Variants in RALGPS1 observed in about 807,000 individuals in gnomAD.
The protein encoded by RALGPS1 is Ral GEF with PH domain and SH3 binding motif 1.
In RALGPS1, 19 loss-of-function variants were observed where a neutral mutation model predicts 78.8. The observed-to-expected ratio is 0.24, with a 90% CI of 0.17 to 0.35. The LOEUF is 0.35. Ranked by LOEUF, RALGPS1 falls within the 10% of genes least tolerant of loss-of-function variation. The pLI, the probability that RALGPS1 is intolerant of heterozygous loss-of-function variation, is 1.00. For synonymous variants in RALGPS1, 228 were observed against 256.3 expected (o/e 0.89, Z 1.06); for missense variants, 454 against 688.3 (o/e 0.66, Z 3.81).
chr9:127,002,032 T>C (rs2133614133), intron 4 of RALGPS1, among the ~76,000 whole-genome samples: 1 of 152,308 alleles, frequency 6.6e-6, no homozygotes, highest in South Asian at 2.1e-4. Flanking sequence ...AGGCTATAAC[T>C]CAATGCATTT....
intron 5 of RALGPS1, among the ~76,000 whole-genome samples, chr9:127,049,518 G>C (rs1039526196): frequency 6.6e-6 from 1 of 152,040 alleles, no homozygotes; most frequent in African/African-American, 2.4e-5. Context: ...TTATGGGATG[G>C]GCCTCTCCCA....
At chr9:127,047,548 A>T (rs1338598196) in intron 5 of RALGPS1, among the ~76,000 whole-genome samples, 1 of 152,044 alleles carries the variant, frequency 6.6e-6, no homozygotes, top group African/African-American at 2.4e-5. Flanking sequence ...AAAATACAAA[A>T]ATTAGCCAGG....
intron 1 of RALGPS1, among the ~76,000 whole-genome samples, chr9:126,930,219 G>C (rs2035672090): frequency 6.7e-6 from 1 of 150,270 alleles, no homozygotes; most frequent in Admixed American, 6.6e-5. Flanking sequence ...TTATAATTAG[G>C]CTTGTGACAG....
chr9:127,112,589 A>C (rs2054949985), intron 8 of RALGPS1, among the ~76,000 whole-genome samples: 1 of 152,226 alleles, frequency 6.6e-6, no homozygotes. Context: ...ATGGGCTCTC[A>C]CAGCTCCCCG....
rs1411840653 is a variant in RALGPS1 at position 127,212,610 on chromosome 9, C to T, written c.1354-17C>T. 3 of 1,579,398 alleles carry T rather than the reference C, an allele frequency of 1.9e-6. No individual in the cohort carries two copies. Among genetic ancestry groups the T allele is most frequent in the African/African-American group, 2.7e-5 (2 of 73,782 alleles). On this transcript the variant is annotated splice_polypyrimidine_tract_variant and intron_variant, in intron 15 of 18. Coordinates refer to ENST00000259351, the MANE Select transcript of RALGPS1 (RefSeq NM_014636.3). The surrounding 1 kb of genome is among the most constrained non-coding windows in gnomAD (Gnocchi z 6.0). ...ACGACCCCTGGTGGCATCACTCAGC[C>T]TCCCCTTCCTCTGTAGCTGTCCTCG...
At chr9:127,188,088 G>A (rs2060775770) in intron 11 of RALGPS1, among the ~76,000 whole-genome samples, 1 of 125,286 alleles carries the variant, frequency 8.0e-6, no homozygotes, top group South Asian at 2.8e-4. Context: ...TTTAGACGGA[G>A]TCTCACTCTG....
At chr9:127,119,975 A>G (rs1367702498) in intron 8 of RALGPS1, among the ~76,000 whole-genome samples, 2 of 152,220 alleles carry the variant, frequency 1.3e-5, no homozygotes, top group Non-Finnish European at 2.9e-5. Flanking sequence ...CACCTTTTCA[A>G]AATGCTTCCA....
intron 1 of RALGPS1, among the ~76,000 whole-genome samples, chr9:126,936,157 A>G (rs2036238280): frequency 1.3e-5 from 2 of 152,254 alleles, no homozygotes; most frequent in Admixed American, 1.3e-4. Context: ...CTAAGGCAGC[A>G]GGAGGTCAAG....
chr9:127,195,005 C>T, intron 11 of RALGPS1, 86 bp from the exon 12 acceptor site: 2 of 1,525,796 alleles, frequency 1.3e-6, no homozygotes, highest in South Asian at 1.2e-5. Flanking sequence ...AAACCCGGGG[C>T]CCACCTCCAC....
At chr9:127,159,222 A>T (rs2058876530) in intron 8 of RALGPS1, among the ~76,000 whole-genome samples, 1 of 152,032 alleles carries the variant, frequency 6.6e-6, no homozygotes, top group Admixed American at 6.5e-5. Context: ...CATCCATTGC[A>T]CTCTGGGGGA....
At chr9:127,188,056 C>CTTTT (rs35971647) in intron 11 of RALGPS1, among the ~76,000 whole-genome samples, 13 of 81,692 alleles carry the variant, frequency 1.6e-4, no homozygotes, top group African/African-American at 2.9e-4. Context: ...GAATTAGAGC[C>CTTTT]TTTTTTTTTT....
At chr9:127,202,019 G>T (rs1421192598) in intron 14 of RALGPS1, among the ~76,000 whole-genome samples, 1 of 152,160 alleles carries the variant, frequency 6.6e-6, no homozygotes, top group Non-Finnish European at 1.5e-5. Flanking sequence ...TGGCCGTGGT[G>T]GGGGAGACAG....
chr9:127,115,219 C>T (rs1437229817), intron 8 of RALGPS1, among the ~76,000 whole-genome samples: 2 of 151,970 alleles, frequency 1.3e-5, no homozygotes, highest in Admixed American at 6.6e-5. Context: ...GATGGAGTTT[C>T]GCTCTTGTCA....
At chr9:127,187,894 G>A (rs997398836) in intron 11 of RALGPS1, among the ~76,000 whole-genome samples, 4 of 151,980 alleles carry the variant, frequency 2.6e-5, no homozygotes, top group African/African-American at 7.3e-5. Context: ...TTCTTCCCCC[G>A]GGGTGCACAG....
intron 10 of RALGPS1, 45 bp from the exon 11 acceptor site, chr9:127,174,670 G>A: frequency 1.0e-5 from 16 of 1,578,966 alleles, no homozygotes; most frequent in Non-Finnish European, 1.4e-5. Flanking sequence ...GTTCCTGTGT[G>A]GTAAACCAGA....
intron 4 of RALGPS1, among the ~76,000 whole-genome samples, chr9:127,007,391 G>T (rs1202266012): frequency 6.6e-6 from 1 of 152,144 alleles, no homozygotes; most frequent in Non-Finnish European, 1.5e-5. Context: ...TAGATTGTCA[G>T]GTCCCATTCC....
chr9:127,102,354 G>A (rs1373530431), intron 8 of RALGPS1, among the ~76,000 whole-genome samples: 1 of 151,408 alleles, frequency 6.6e-6, no homozygotes, highest in Non-Finnish European at 1.5e-5. Context: ...GTGGGGGTGG[G>A]GGTGGAGGGG....
intron 4 of RALGPS1, chr9:127,017,013 A>AT (rs1465348435): frequency 6.6e-6 from 1 of 152,226 alleles, no homozygotes; most frequent in Admixed American, 6.5e-5. Flanking sequence ...TTCTGTAAAT[A>AT]TTAAAAAAAA....
chr9:127,214,572 C>T (rs1415266509), intron 17 of RALGPS1, among the ~76,000 whole-genome samples, 179 bp from the exon 18 acceptor site: 1 of 152,188 alleles, frequency 6.6e-6, no homozygotes, highest in African/African-American at 2.4e-5. Flanking sequence ...TGGTTACAAG[C>T]CATGGTCCAA....
Sources: gnomAD v4.1 joint callset for allele counts (sites outside exome capture counted in the v4.1 genomes callset) on GRCh38, gnomAD v4.1.1 for gene constraint, Gnocchi (gnomAD v3.1) non-coding constraint, MANE v1.5 for transcripts, NCBI Gene and HGNC (gene_info 2026-07-23, HGNC 2026-07-21) for gene names.